The following MEF2C variants were observed in gnomAD, a reference collection of about 807,000 sequenced individuals.
MEF2C encodes myocyte enhancer factor 2C, also known as myocyte-specific enhancer factor 2C.
MEF2C carries 6 observed loss-of-function variants against 50.5 expected under a neutral mutation model. The ratio of observed to expected loss-of-function variants is 0.12; its 90% CI spans 0.07 to 0.23. The LOEUF (loss-of-function observed/expected upper bound fraction) is 0.23. MEF2C is among the 10% of genes least tolerant of loss of function. MEF2C has a pLI of 1.00. For missense variants in MEF2C, 276 were observed against 605.0 expected (o/e 0.46, Z 5.70); for synonymous variants, 183 against 228.0 (o/e 0.80, Z 1.78).
chr5:88,887,487 A>T (rs1834131811), upstream of MEF2C: 1 of 152,216 alleles, frequency 6.6e-6, no homozygotes, highest in South Asian at 2.1e-4. Context: ...GATAAAAACA[A>T]ATGTGAGCAC....
Position 88,722,424 on chromosome 5 carries a change from T to C in MEF2C, c.*180A>G. On this transcript the variant is annotated 3_prime_UTR_variant, in exon 11 of 11. Coordinates refer to ENST00000504921, the MANE Select transcript of MEF2C (RefSeq NM_002397.5). Reference sequence around the variant, plus strand: ...AGTGCTAAGCTTATCTCAGCATTTCTGTTTATCTTTATACTGTATCACTGA... The same window carrying C: ...AGTGCTAAGCTTATCTCAGCATTTCCGTTTATCTTTATACTGTATCACTGA... 1 of 573,228 alleles carries C rather than the reference T, an allele frequency of 1.7e-6. No individual in the cohort carries two copies. Among genetic ancestry groups the C allele is most frequent in the Non-Finnish European group, 3.1e-6 (1 of 325,706 alleles). 35.5% of individuals were successfully genotyped at this position (573,228 alleles called of 1,614,324 possible).
chr5:88,812,216 G>A (rs568139449), intron 2 of MEF2C, among the ~76,000 whole-genome samples: 3 of 152,060 alleles, frequency 2.0e-5, no homozygotes, highest in Admixed American at 1.3e-4. Context: ...TTTTTCTCGA[G>A]TACCTGGGCC....
At chr5:88,735,593 A>C (rs1763748034) in intron 6 of MEF2C, 3 of 974,842 alleles carry the variant, frequency 3.1e-6, no homozygotes, top group Non-Finnish European at 3.7e-6. Flanking sequence ...AGCATATATG[A>C]GTTAACTTAC....
At chr5:88,868,221 G>T (rs1480730618) in intron 1 of MEF2C, among the ~76,000 whole-genome samples, 1 of 152,026 alleles carries the variant, frequency 6.6e-6, no homozygotes, top group African/African-American at 2.4e-5. Flanking sequence ...AAAGCTGGGG[G>T]AAAAATATCT....
intron 1 of MEF2C, among the ~76,000 whole-genome samples, chr5:88,874,658 T>C (rs1830523569): frequency 6.6e-6 from 1 of 151,924 alleles, no homozygotes; most frequent in African/African-American, 2.4e-5. Context: ...AAATGCTTGA[T>C]ATTTAAACAT....
At chr5:88,836,261 CA>C (rs1316551920) in intron 1 of MEF2C, among the ~76,000 whole-genome samples, 2 of 151,742 alleles carry the variant, frequency 1.3e-5, no homozygotes, top group Non-Finnish European at 2.9e-5. Flanking sequence ...GATATTATAA[CA>C]AAAAATTGCA....
rs551874851 is a variant in MEF2C at position 88,890,056 on chromosome 5, G to A, written c.-239-2458C>T. 2.6e-5 allele frequency among the ~76,000 whole-genome samples: 4 copies of A among 152,298 alleles called. 1 individual carries two copies. The South Asian group carries it at 8.3e-4, about 32-fold the overall frequency. ...GCCAGCCGGAGTTTTTCACCTGACA[G>A]ACCAATAGGAAAGAACACGGGCCCC... On this transcript the variant is annotated intron_variant, in intron 1 of 11. Coordinates refer to the MEF2C transcript ENST00000340208.
chr5:88,741,618 GTAAACTGGCCA>G, intron 6 of MEF2C: 1 of 981,044 alleles, frequency 1.0e-6, no homozygotes, highest in Non-Finnish European at 1.2e-6. Flanking sequence ...GTTTGAATAT[GTAAACTGGCCA>G]TAGATTTAGT....
intron 1 of MEF2C, among the ~76,000 whole-genome samples, chr5:88,871,395 G>A (rs1449888406): frequency 6.6e-6 from 1 of 151,912 alleles, no homozygotes; most frequent in East Asian, 1.9e-4. Flanking sequence ...AGGCGTCCTT[G>A]ATTGCAGTGT....
intron 6 of MEF2C, chr5:88,738,067 G>C: frequency 1.0e-6 from 1 of 985,282 alleles, no homozygotes; most frequent in African/African-American, 1.7e-5. Context: ...AGGTTTACAG[G>C]CATCCAGGAG....
At chr5:88,892,190 C>T (rs1834658868) in intron 1 of MEF2C, 1 of 152,076 alleles carries the variant, frequency 6.6e-6, no homozygotes, top group Non-Finnish European at 1.5e-5. Context: ...TGGAAGAAGG[C>T]CTCACCTTCT....
chr5:88,800,739 C>T (rs747434231), intron 3 of MEF2C, among the ~76,000 whole-genome samples: 2 of 152,160 alleles, frequency 1.3e-5, no homozygotes, highest in African/African-American at 4.8e-5. Context: ...GGGTAAATAT[C>T]CCAGTATACT....
At chr5:88,848,743 T>C (rs1820209667) in intron 1 of MEF2C, among the ~76,000 whole-genome samples, 1 of 152,178 alleles carries the variant, frequency 6.6e-6, no homozygotes, top group African/African-American at 2.4e-5. Flanking sequence ...AGTTAAAAGA[T>C]TTTCTATACT....
chr5:88,896,942 G>A (rs1164084916), intron 1 of MEF2C, among the ~76,000 whole-genome samples: 1 of 102,044 alleles, frequency 9.8e-6, no homozygotes, highest in East Asian at 2.6e-4. Context: ...ACTCAGTAAA[G>A]CTACACACAC....
At chr5:88,831,742 T>C (rs781081310) in intron 1 of MEF2C, among the ~76,000 whole-genome samples, 6 of 152,116 alleles carry the variant, frequency 3.9e-5, no homozygotes, top group African/African-American at 9.7e-5. Context: ...TGGCTCAACA[T>C]GGAACTCAGT....
At chr5:88,730,149 A>G (rs930573418) in intron 8 of MEF2C, 62 bp downstream of exon 8, 8 of 1,529,382 alleles carry the variant, frequency 5.2e-6, no homozygotes, top group African/African-American at 1.4e-5. Context: ...TATCAAAGCT[A>G]CCACCTCTAC....
intron 4 of MEF2C, among the ~76,000 whole-genome samples, chr5:88,758,853 T>C (rs1248813606): frequency 6.6e-6 from 1 of 152,222 alleles, no homozygotes; most frequent in Non-Finnish European, 1.5e-5. Flanking sequence ...AGAAATCACG[T>C]ATCTTGATCT....
intron 1 of MEF2C, among the ~76,000 whole-genome samples, chr5:88,849,881 T>C (rs888854602): frequency 6.6e-6 from 1 of 152,200 alleles, no homozygotes; most frequent in Non-Finnish European, 1.5e-5. Context: ...ATCTATTTCC[T>C]AGACCTTCCT....
chr5:88,871,560 A>T (rs1478151921), intron 1 of MEF2C, among the ~76,000 whole-genome samples: 2 of 152,008 alleles, frequency 1.3e-5, no homozygotes, highest in African/African-American at 2.4e-5. Context: ...GCATGATAAC[A>T]ATTTCAAGTG....
Sources: gnomAD v4.1 joint callset for allele counts (sites outside exome capture counted in the v4.1 genomes callset) on GRCh38, gnomAD v4.1.1 for gene constraint, MANE v1.5 for transcripts, NCBI Gene and HGNC (gene_info 2026-07-23, HGNC 2026-07-21) for gene names.